Variants in KEL observed in about 807,000 individuals in gnomAD.
The protein encoded by KEL is kell blood group glycoprotein.
Under a neutral mutation model 99.5 loss-of-function variants are expected in KEL, and 96 were observed. That is an observed-to-expected ratio of 0.97 (90% CI 0.82 to 1.14). The LOEUF is 1.14. Ranked by LOEUF, KEL falls within the 50% of genes most tolerant of loss-of-function variation. The pLI is 0.00. For missense variants in KEL, 926 were observed against 924.2 expected, an observed-to-expected ratio of 1.00 and a Z score of -0.03; for synonymous variants, 355 against 354.8, an observed-to-expected ratio of 1.00 and a Z score of -0.01.
chr7:142,953,867 A>G lies in KEL; in HGVS notation c.1014T>C (p.His338=), dbSNP rs1796754039. ...ACATGTTTTTCAAATATTCCACGTC[A>G]TGGACCACGAGGGACTGAGAAGGGC... ...SLSPSQSLVV[H]DVEYLKNMSQ... is the part of the protein sequence containing the mutation. Residue 338 remains histidine, a synonymous_variant, in exon 9 of 19, where the codon CAT becomes CAC. Transcript: ENST00000355265. 1 of 1,614,178 alleles carries G rather than the reference A, an allele frequency of 6.2e-7. No homozygotes were observed. The highest frequency in any genetic ancestry group is 8.5e-7 in the Non-Finnish European group (1 of 1,180,038).
chr7:142,941,808 G>C (rs557690885), intron 18 of KEL, among the ~76,000 whole-genome samples: 51 of 150,096 alleles, frequency 3.4e-4, no homozygotes, highest in South Asian at 1.9e-3. Flanking sequence ...CCTGTCGCAG[G>C]CTTTTTTTTT....
chr7:142,952,387 G>T, intron 10 of KEL, 122 bp downstream of exon 10: 1 of 1,300,176 alleles, frequency 7.7e-7, no homozygotes, highest in Non-Finnish European at 1.1e-6. Flanking sequence ...GGAAAGCCAA[G>T]ACATGGAGGG....
chr7:142,957,075 A>G (rs1796845715), intron 6 of KEL, among the ~76,000 whole-genome samples: 1 of 152,238 alleles, frequency 6.6e-6, no homozygotes, highest in East Asian at 1.9e-4. Context: ...ACAATCTTCA[A>G]CACAGAGTGA....
intron 10 of KEL, among the ~76,000 whole-genome samples, chr7:142,952,272 G>A (rs1023596506): frequency 2.4e-4 from 37 of 152,178 alleles, no homozygotes; most frequent in Non-Finnish European, 8.8e-5. Context: ...CACCCAGCAA[G>A]AAGCCAGAGA....
chr7:142,950,404 G>A (rs1029257315), intron 10 of KEL, among the ~76,000 whole-genome samples: 1 of 152,146 alleles, frequency 6.6e-6, no homozygotes, highest in South Asian at 2.1e-4. Context: ...AGCAAGCCTA[G>A]TCTTCTCCTC....
At chr7:142,946,134 T>A in intron 11 of KEL, 73 bp downstream of exon 11, 1 of 1,080,654 alleles carries the variant, frequency 9.3e-7, no homozygotes, top group Non-Finnish European at 1.4e-6. Context: ...AAAGTCAAAG[T>A]TAATAGAAGA....
chr7:142,951,049 A>G (rs2116661626), intron 10 of KEL, among the ~76,000 whole-genome samples: 1 of 152,330 alleles, frequency 6.6e-6, no homozygotes, highest in South Asian at 2.1e-4. Context: ...AGCTATTATC[A>G]TTATTATTAA....
intron 1 of KEL, 33 bp downstream of exon 1, chr7:142,962,171 C>A (rs1796977062): frequency 6.2e-7 from 1 of 1,613,982 alleles, no homozygotes; most frequent in Non-Finnish European, 8.5e-7. Flanking sequence ...TCACCCCTCC[C>A]CGCTAAGCCT....
chr7:142,949,139 T>C (rs967889826), intron 10 of KEL, among the ~76,000 whole-genome samples: 4 of 152,192 alleles, frequency 2.6e-5, no homozygotes, highest in Non-Finnish European at 4.4e-5. Context: ...GTGACACCAG[T>C]TGTCGAAATG....
intron 9 of KEL, 140 bp from the exon 10 acceptor site, chr7:142,952,778 C>T: frequency 1.0e-6 from 1 of 981,432 alleles, no homozygotes; most frequent in South Asian, 1.5e-5. Flanking sequence ...TTAACATGCA[C>T]CCAAGTCAAA....
chr7:142,942,299 T>A (rs1796380079), intron 18 of KEL, 135 bp downstream of exon 18: 3 of 681,628 alleles, frequency 4.4e-6, no homozygotes, highest in Middle Eastern at 2.4e-4. Context: ...AGAGAAAAGA[T>A]AACAGTGAGG....
At chr7:142,948,899 G>GACACACACACACACACACACACACAC (rs72104159) in intron 10 of KEL, among the ~76,000 whole-genome samples, 1 of 142,208 alleles carries the variant, frequency 7.0e-6, no homozygotes, top group African/African-American at 2.6e-5. Flanking sequence ...AAGCTTCACA[G>GACACACACACACACACACACACACAC]ACACACACAC....
rs1409407588 is a variant in KEL at position 142,962,352 on chromosome 7, A to T, written c.-146T>A. 7.8e-6 allele frequency: 7 copies of T among 901,124 alleles called. No homozygotes were observed. The highest frequency in any genetic ancestry group is 1.3e-5 in the Non-Finnish European group (7 of 550,162). 55.8% of individuals were successfully genotyped at this position (901,124 alleles called of 1,614,324 possible). On this transcript the variant is annotated 5_prime_UTR_variant, in exon 1 of 19. Transcript: ENST00000355265. ...TGCTGCTCTTTCGCCTTGTCCCCAG[A>T]CACACAGGACTGGCCTCTGGGTGGA...
intron 11 of KEL, 29 bp from the exon 12 acceptor site, chr7:142,944,770 G>A (rs763572083): frequency 5.7e-5 from 89 of 1,559,994 alleles, no homozygotes; most frequent in Non-Finnish European, 7.9e-5. Context: ...GGGACAGGGG[G>A]ACAGGATCAG....
rs187182493 is a variant in KEL, at chr7:142,962,001, G to A, written c.4-129C>T. ...GCCCCCACACACATATTTTTATCTC[G>A]GAGCAGTGTTCCCAGATGGGCTTCA... On this transcript the variant is annotated intron_variant, in intron 1 of 18. Transcript: ENST00000355265. 408 of 1,609,592 alleles carry A rather than the reference G, an allele frequency of 2.5e-4. 2 individuals carry two copies. In the African/African-American group the frequency reaches 4.9e-3, roughly 19 times the overall value.
Position 142,943,020 on chromosome 7 carries a change from C to T in KEL, c.1796G>A (p.Cys599Tyr), listed in dbSNP as rs1796409581. 2 of 1,614,054 alleles carry T rather than the reference C, an allele frequency of 1.2e-6. No individual in the cohort carries two copies. The highest frequency in any genetic ancestry group is 2.2e-5 in the East Asian group (1 of 44,900). The change falls in exon 17 of 19, where the codon TGT becomes TAT. Residue 599 changes from cysteine (C) to tyrosine (Y), a missense_variant. Transcript: ENST00000355265. ...QLLLPGGCLA[C>Y]DNHALQEAHL... is the part of the protein sequence containing the mutation. ...AGCTTCCTGGAGGGCATGGTTGTCA[C>T]AGGCGAGGCAGCCCCCAGGCAGTAC... is the stretch of plus-strand genomic sequence containing the variant.
intron 16 of KEL, 24 bp from the exon 17 acceptor site, chr7:142,943,068 C>T: frequency 6.2e-7 from 1 of 1,613,192 alleles, no homozygotes; most frequent in Non-Finnish European, 8.5e-7. Context: ...GACAAGAGAA[C>T]ATACAGCAAG....
rs143238294 is a variant in KEL, at chr7:142,946,223, G to A, written c.1298C>T (p.Pro433Leu). 4.4e-5 allele frequency: 71 copies of A among 1,613,482 alleles called. No individual in the cohort carries two copies. The highest frequency in any genetic ancestry group is 1.6e-4 in the Middle Eastern group (1 of 6,084). ...CTCACATACAGCACTTCGGGTGCTCGGGCCAAAGGCCTCACGAACAAACAA... is the reference window on the plus strand; with the variant it reads ...CTCACATACAGCACTTCGGGTGCTCAGGCCAAAGGCCTCACGAACAAACAA... ...AALFVREAFG[P>L]STRSAAMKLF... The change falls in exon 11 of 19, where the codon CCG (proline) becomes CTG (leucine). Residue 433 changes from proline to leucine, a missense_variant. By Grantham distance (98) the Pro-to-Leu change is moderately conservative. Transcript: ENST00000355265.
At chr7:142,943,113 T>C (rs1796412596) in intron 16 of KEL, 69 bp from the exon 17 acceptor site, 1 of 1,589,354 alleles carries the variant, frequency 6.3e-7, no homozygotes, top group African/African-American at 1.3e-5. Context: ...GGTGAGGATG[T>C]GGGTGGTACC....
Sources: allele counts gnomAD v4.1 joint callset (sites outside exome capture counted in the v4.1 genomes callset), GRCh38; gene constraint gnomAD v4.1.1; transcripts MANE v1.5; gene names NCBI Gene and HGNC (gene_info 2026-07-23, HGNC 2026-07-21).